The following OR10J1 variants were observed in gnomAD, a reference collection of about 807,000 sequenced individuals.
The protein encoded by OR10J1 is olfactory receptor family 10 subfamily J member 1, also known as olfactory receptor 10J1.
For missense variants in OR10J1, 474 were observed against 376.6 expected, an observed-to-expected ratio of 1.26 and a Z score of -2.14; for synonymous variants, 202 against 143.8, an observed-to-expected ratio of 1.40 and a Z score of -2.89.
At chr1:159,420,667 T>C in the OR10J1 span, among the ~76,000 whole-genome samples, 2 of 152,088 alleles carry the variant, frequency 1.3e-5, no homozygotes, top group African/African-American at 4.8e-5. Flanking sequence ...ATAACTTTGT[T>C]AGGCATAAAA....
the OR10J1 span, chr1:159,406,137 G>A: frequency 8.7e-5 from 41 of 470,316 alleles, no homozygotes; most frequent in Middle Eastern, 7.1e-4. Flanking sequence ...GGGAGTAATG[G>A]CCACCATGTA....
At chr1:159,401,993 C>G in the OR10J1 span, among the ~76,000 whole-genome samples, 1 of 151,818 alleles carries the variant, frequency 6.6e-6, no homozygotes, top group Non-Finnish European at 1.5e-5. Context: ...TAGGACAAAA[C>G]CATATGATCA....
the OR10J1 span, among the ~76,000 whole-genome samples, chr1:159,428,512 A>G: frequency 6.6e-6 from 1 of 152,184 alleles, no homozygotes; most frequent in Non-Finnish European, 1.5e-5. Flanking sequence ...TATAAAGAAG[A>G]GACATTGACA....
At chr1:159,433,172 G>T (rs776915030), upstream of OR10J1, 11 of 398,866 alleles carry the variant, frequency 2.8e-5, no homozygotes, top group Non-Finnish European at 4.9e-5. Context: ...CAAAGAAAAA[G>T]AGTTTGATGA....
chr1:159,434,290 T>C (rs763795920), upstream of OR10J1, among the ~76,000 whole-genome samples: 1 of 152,156 alleles, frequency 6.6e-6, no homozygotes, highest in Non-Finnish European at 1.5e-5. Flanking sequence ...AACTAACTTA[T>C]ACTGTTCCAT....
the OR10J1 span, among the ~76,000 whole-genome samples, chr1:159,399,570 C>CAAAA: frequency 9.7e-3 from 537 of 55,340 alleles, no homozygotes; most frequent in Non-Finnish European, 0.012. Flanking sequence ...GATTCTGTCT[C>CAAAA]AAAAAAAAAA....
At chr1:159,429,052 A>G in the OR10J1 span, among the ~76,000 whole-genome samples, 1 of 152,224 alleles carries the variant, frequency 6.6e-6, no homozygotes, top group African/African-American at 2.4e-5. Context: ...CTAAAAGGAA[A>G]GCAAGGTTGG....
the OR10J1 span, among the ~76,000 whole-genome samples, chr1:159,402,864 C>G: frequency 1.3e-5 from 2 of 151,706 alleles, no homozygotes; most frequent in Admixed American, 1.3e-4. Context: ...CAAATTATAC[C>G]ACAGAGCTAC....
the OR10J1 span, among the ~76,000 whole-genome samples, chr1:159,411,756 T>G: frequency 6.6e-6 from 1 of 152,130 alleles, no homozygotes; most frequent in South Asian, 2.1e-4. Flanking sequence ...GTTAGCTGGT[T>G]ATTTTGCTCA....
chr1:159,414,061 T>C, the OR10J1 span, among the ~76,000 whole-genome samples: 1 of 152,020 alleles, frequency 6.6e-6, no homozygotes, highest in Non-Finnish European at 1.5e-5. Context: ...AGGGTATCTA[T>C]CACCTTCAGT....
chr1:159,415,174 G>A, the OR10J1 span, among the ~76,000 whole-genome samples: 242 of 152,044 alleles, frequency 1.6e-3, 2 homozygotes, highest in East Asian at 0.035. Context: ...TTTTCCCTAC[G>A]TTTTCTTCTA....
the OR10J1 span, chr1:159,405,389 T>C: frequency 5.9e-4 from 92 of 156,114 alleles, no homozygotes; most frequent in African/African-American, 2.2e-3. Context: ...TGCCAAAACT[T>C]TGGAGAAGTA....
upstream of OR10J1, among the ~76,000 whole-genome samples, chr1:159,435,640 G>A (rs1304543861): frequency 6.6e-6 from 1 of 152,092 alleles, no homozygotes; most frequent in Non-Finnish European, 1.5e-5. Flanking sequence ...TCTAACTTTA[G>A]GAACCTCAGT....
chr1:159,412,928 A>G, the OR10J1 span, among the ~76,000 whole-genome samples: 15 of 152,190 alleles, frequency 9.9e-5, no homozygotes, highest in East Asian at 2.9e-3. Context: ...AAATTTTCAC[A>G]ACCTACTCAT....
chr1:159,415,765 G>A, the OR10J1 span, among the ~76,000 whole-genome samples: 73 of 151,980 alleles, frequency 4.8e-4, no homozygotes, highest in African/African-American at 1.7e-3. Context: ...TTAAGAACAT[G>A]AAAATATTAA....
the OR10J1 span, among the ~76,000 whole-genome samples, chr1:159,410,982 C>T: frequency 1.3e-5 from 2 of 152,046 alleles, no homozygotes; most frequent in Non-Finnish European, 2.9e-5. Flanking sequence ...GGAGCAGGTT[C>T]TTCAGTTCCC....
Position 159,440,675 on chromosome 1 carries a change from A to G in OR10J1, c.884A>G (p.Glu295Gly), listed in dbSNP as rs1437761171. The change falls in exon 1 of 1, where the codon GAG (glutamate) becomes GGG (glycine). Residue 295 changes from glutamate (E) to glycine (G), a missense_variant. Physicochemically the swap from Glu to Gly is moderately conservative, Grantham distance 98. Coordinates refer to ENST00000423932, the MANE Select transcript of OR10J1 (RefSeq NM_012351.3). ...NPVVYTLRNK[E>G]VKDALCRAVG... Reference sequence around the variant, plus strand: ...GTGGTATACACCCTGAGAAATAAAGAGGTCAAAGATGCTCTGTGCAGGGCT... The same window carrying G: ...GTGGTATACACCCTGAGAAATAAAGGGGTCAAAGATGCTCTGTGCAGGGCT... 3.7e-6 allele frequency: 6 copies of G among 1,613,888 alleles called. No individual in the cohort carries two copies. The highest frequency in any genetic ancestry group is 5.1e-6 in the Non-Finnish European group (6 of 1,179,984).
At chr1:159,439,162 A>G (rs1655827886), upstream of OR10J1, among the ~76,000 whole-genome samples, 1 of 152,212 alleles carries the variant, frequency 6.6e-6, no homozygotes, top group South Asian at 2.1e-4. Flanking sequence ...TGAAGACAAG[A>G]TGAACCTTTC....
the OR10J1 span, among the ~76,000 whole-genome samples, chr1:159,429,400 G>A: frequency 1.3e-5 from 2 of 152,206 alleles, no homozygotes; most frequent in Non-Finnish European, 2.9e-5. Context: ...AGACCCTGGA[G>A]TGTGAGTGAT....
Sources: allele counts gnomAD v4.1 joint callset (sites outside exome capture counted in the v4.1 genomes callset), GRCh38; gene constraint gnomAD v4.1.1; transcripts MANE v1.5; gene names NCBI Gene and HGNC (gene_info 2026-07-23, HGNC 2026-07-21).